TRAF2: variants seen among roughly 807,000 people sequenced by gnomAD.
TRAF2 encodes TNF receptor associated factor 2.
In TRAF2, 6 loss-of-function variants were observed where a neutral mutation model predicts 55.6. That is an observed-to-expected ratio of 0.11 (90% CI 0.06 to 0.21). The LOEUF is 0.21. Among genes scored for constraint, TRAF2 ranks in the 10% least tolerant of loss-of-function variants. The pLI is 1.00. For missense variants in TRAF2, 561 were observed against 684.5 expected (o/e 0.82, Z 2.01); for synonymous variants, 329 against 276.3 (o/e 1.19, Z -1.89).
chr9:136,890,495 G>A (rs1366560491), intron 1 of TRAF2: 2 of 152,214 alleles, frequency 1.3e-5, no homozygotes, highest in African/African-American at 2.4e-5. Flanking sequence ...CTCCTGCCTC[G>A]TGTGTAGGCC....
intron 6 of TRAF2, among the ~76,000 whole-genome samples, chr9:136,914,985 G>GC (rs1397050647): frequency 2.6e-5 from 4 of 151,930 alleles, no homozygotes; most frequent in Admixed American, 6.6e-5. Context: ...TTTGAGACCT[G>GC]CCTGACCAAA....
chr9:136,908,550 G>A lies in TRAF2; in HGVS notation c.528+319G>A, dbSNP rs1372174221. Among the ~76,000 whole-genome samples, 8 of 151,742 alleles carry A rather than the reference G, an allele frequency of 5.3e-5. No homozygotes were observed. The East Asian group carries it at 7.7e-4, about 15-fold the overall frequency. ...AGCCTGGCCAACATGGTGAAACCCC[G>A]TCTCTACTAAAAATGCAAAAAGTTA... On this transcript the variant is annotated intron_variant, in intron 5 of 10. Transcript: ENST00000247668.
chr9:136,886,357 G>A, upstream of TRAF2: 1 of 978,974 alleles, frequency 1.0e-6, no homozygotes, highest in Non-Finnish European at 1.2e-6. Flanking sequence ...TCCGGCGTCA[G>A]TCCGTCAGGC....
intron 2 of TRAF2, 47 bp downstream of exon 2, chr9:136,898,975 G>C (rs1455796277): frequency 1.3e-6 from 2 of 1,542,190 alleles, no homozygotes; most frequent in African/African-American, 2.7e-5. Context: ...AGGCTAGGCT[G>C]GTTTTAGAGC....
At chr9:136,911,773 TC>T (rs1291360507) in intron 6 of TRAF2, among the ~76,000 whole-genome samples, 4 of 151,378 alleles carry the variant, frequency 2.6e-5, no homozygotes, top group African/African-American at 9.7e-5. Flanking sequence ...CCTGGCCCGT[TC>T]CAGAGGAGAA....
upstream of TRAF2, chr9:136,885,965 C>A (rs1849436260): frequency 6.6e-6 from 1 of 152,250 alleles, no homozygotes; most frequent in African/African-American, 2.4e-5. Flanking sequence ...CGCCGCTCTG[C>A]GCCCGGCACC....
intron 5 of TRAF2, among the ~76,000 whole-genome samples, chr9:136,908,738 C>T (rs567568704): frequency 1.3e-5 from 2 of 152,186 alleles, no homozygotes; most frequent in African/African-American, 4.8e-5. Flanking sequence ...GGCATGGTGG[C>T]GGGCGCCTGC....
chr9:136,898,408 G>A (rs866302858), intron 1 of TRAF2: 1 of 169,296 alleles, frequency 5.9e-6, no homozygotes, highest in Non-Finnish European at 1.2e-5. Flanking sequence ...AGCTGGGGAG[G>A]GGGTTGTGCG....
chr9:136,892,458 C>T (rs574497952), intron 1 of TRAF2, among the ~76,000 whole-genome samples: 51 of 147,798 alleles, frequency 3.5e-4, no homozygotes, highest in African/African-American at 9.0e-4. Flanking sequence ...AGCGAGACTC[C>T]GTCTCAAAAA....
intron 1 of TRAF2, among the ~76,000 whole-genome samples, chr9:136,887,832 T>C (rs763466855): frequency 3.3e-5 from 5 of 152,190 alleles, no homozygotes; most frequent in Admixed American, 6.5e-5. Context: ...GGTATTATTT[T>C]GAGCCTGAAA....
Position 136,926,368 on chromosome 9 carries a change from C to A in TRAF2, c.*467C>A, listed in dbSNP as rs1024027584. The A allele has an allele frequency of 3.0e-6, 1 of 338,110 alleles. No homozygotes were observed. 20.9% of individuals were successfully genotyped at this position (338,110 alleles called of 1,614,324 possible). A position where few individuals can be genotyped will look rare whatever the true frequency, so the allele number is the denominator to read the frequency against. Reference sequence around the variant, plus strand: ...GCTGGCCAGAGCAAGGAAGGCTGAGCAGCTTGGTTCTCCCCTCTGGCCCCT... The same window carrying A: ...GCTGGCCAGAGCAAGGAAGGCTGAGAAGCTTGGTTCTCCCCTCTGGCCCCT... On this transcript the variant is annotated 3_prime_UTR_variant, in exon 11 of 11. Transcript: ENST00000247668.
At chr9:136,898,987 A>G in intron 2 of TRAF2, 59 bp downstream of exon 2, 1 of 1,514,798 alleles carries the variant, frequency 6.6e-7, no homozygotes, top group Non-Finnish European at 8.9e-7. Context: ...TTTTAGAGCC[A>G]CGCTGCCCAG....
chr9:136,887,422 G>C lies in TRAF2; in HGVS notation c.-29+881G>C, dbSNP rs547799776. 2.0e-5 allele frequency among the ~76,000 whole-genome samples: 3 copies of C among 152,316 alleles called. No homozygotes were observed. In the East Asian group the frequency reaches 5.8e-4, roughly 29 times the overall value. On this transcript the variant is annotated intron_variant, in intron 1 of 10. Coordinates refer to ENST00000247668, the MANE Select transcript of TRAF2 (RefSeq NM_021138.4). ...CAGGGGAACGGTCAGGGCCAGAGCT[G>C]GGTATTTTGGAGTTGTCATTTTGAG...
Position 136,910,692 on chromosome 9 carries a change from A to G in TRAF2, c.603+698A>G, listed in dbSNP as rs539989306. On this transcript the variant is annotated intron_variant, in intron 6 of 10. Transcript: ENST00000247668. ...TGGCAGCCCCCATCTGGGCAGCTACAGGAGGGGTCAGGCTGGCCAGGCCTG... is the reference window on the plus strand; with the variant it reads ...TGGCAGCCCCCATCTGGGCAGCTACGGGAGGGGTCAGGCTGGCCAGGCCTG... Among the ~76,000 whole-genome samples, 27 of 152,324 alleles carry G rather than the reference A, an allele frequency of 1.8e-4. No individual in the cohort carries two copies. In the South Asian group the frequency reaches 5.6e-3, roughly 32 times the overall value.
At chr9:136,893,618 C>T (rs192377580) in intron 1 of TRAF2, among the ~76,000 whole-genome samples, 99 of 152,304 alleles carry the variant, frequency 6.5e-4, no homozygotes, top group Middle Eastern at 3.4e-3. Context: ...AATGTGCTTT[C>T]GTTGGTGAGC....
chr9:136,899,547 G>T, intron 2 of TRAF2, 47 bp from the exon 3 acceptor site: 1 of 1,562,426 alleles, frequency 6.4e-7, no homozygotes, highest in Non-Finnish European at 8.7e-7. Flanking sequence ...TTTGTTTTTT[G>T]CATTAGGTTT....
upstream of TRAF2, among the ~76,000 whole-genome samples, chr9:136,883,208 CAG>C (rs1849394657): frequency 6.6e-6 from 1 of 151,962 alleles, no homozygotes; most frequent in Non-Finnish European, 1.5e-5. Context: ...CTTCTGGAAA[CAG>C]AGCAGTATAA....
chr9:136,909,663 T>G (rs2131310293), intron 5 of TRAF2, among the ~76,000 whole-genome samples: 1 of 152,330 alleles, frequency 6.6e-6, no homozygotes, highest in South Asian at 2.1e-4. Context: ...TCACGTGGCT[T>G]CCAAATCTCC....
intron 5 of TRAF2, 78 bp downstream of exon 5, chr9:136,908,309 G>A (rs1009344173): frequency 4.7e-5 from 66 of 1,418,494 alleles, no homozygotes; most frequent in Non-Finnish European, 5.6e-5. Context: ...TGGCCACTGC[G>A]GCTGCGTCGG....
Sources: gnomAD v4.1 joint callset for allele counts (sites outside exome capture counted in the v4.1 genomes callset) on GRCh38, gnomAD v4.1.1 for gene constraint, MANE v1.5 for transcripts, NCBI Gene and HGNC (gene_info 2026-07-23, HGNC 2026-07-21) for gene names.